ADGRB3: variants seen among roughly 807,000 people sequenced by gnomAD.
The protein encoded by ADGRB3 is adhesion G protein-coupled receptor B3, also known as brain-specific angiogenesis inhibitor 3.
ADGRB3 carries 37 observed loss-of-function variants against 193.4 expected under a neutral mutation model. That is an observed-to-expected ratio of 0.19 (90% CI 0.15 to 0.25). The LOEUF is 0.25. ADGRB3 is among the 10% of genes least tolerant of loss of function. The pLI is 1.00. For synonymous variants in ADGRB3, 690 were observed against 644.2 expected, an observed-to-expected ratio of 1.07 and a Z score of -1.08; for missense variants, 1,637 against 1,852.9, an observed-to-expected ratio of 0.88 and a Z score of 2.14.
chr6:68,961,859 T>C (rs1472784696), intron 8 of ADGRB3, among the ~76,000 whole-genome samples: 1 of 152,198 alleles, frequency 6.6e-6, no homozygotes, highest in Admixed American at 6.5e-5. Context: ...TAAGCACAAA[T>C]AGTACTTTTT....
chr6:68,666,994 T>G (rs1310691136), intron 3 of ADGRB3, among the ~76,000 whole-genome samples: 1 of 151,764 alleles, frequency 6.6e-6, no homozygotes, highest in East Asian at 1.9e-4. Context: ...ATAATACTAC[T>G]TGGAAAATTG....
At chr6:68,894,236 C>T (rs1297482412) in intron 3 of ADGRB3, among the ~76,000 whole-genome samples, 2 of 151,908 alleles carry the variant, frequency 1.3e-5, no homozygotes, top group Non-Finnish European at 2.9e-5. Context: ...TGTAGGAATA[C>T]ATTGCTTCCT....
intron 3 of ADGRB3, among the ~76,000 whole-genome samples, chr6:68,824,222 T>TTTATTTCTA (rs1166166476): frequency 1.0e-5 from 1 of 100,190 alleles, no homozygotes; most frequent in Admixed American, 1.1e-4. Flanking sequence ...CTCTTAAACT[T>TTTATTTCTA]TTATTTCTAT....
chr6:69,254,639 TATTG>T (rs1371223523), intron 20 of ADGRB3, among the ~76,000 whole-genome samples: 10 of 152,270 alleles, frequency 6.6e-5, no homozygotes, highest in African/African-American at 2.2e-4. Context: ...AGATATATCT[TATTG>T]ATTATCTTTC....
In ADGRB3 at chr6:68,875,316, A is replaced by G. The variant is rs190857221; in HGVS notation, c.758-55243A>G. 2.0e-3 allele frequency among the ~76,000 whole-genome samples: 278 copies of G among 139,916 alleles called. 1 individual carries two copies. The highest frequency in any genetic ancestry group is 7.1e-3 in the African/African-American group (269 of 37,730). 91.8% of individuals were successfully genotyped at this position (139,916 alleles called of 152,430 possible). ...TTTCCCGAAACAAAATTATGAATAGAATGTTGGGTCTTAACTTCCTTTCAT... is the reference window on the plus strand; with the variant it reads ...TTTCCCGAAACAAAATTATGAATAGGATGTTGGGTCTTAACTTCCTTTCAT... On this transcript the variant is annotated intron_variant, in intron 3 of 31. Coordinates refer to ENST00000370598, the MANE Select transcript of ADGRB3 (RefSeq NM_001704.3).
At chr6:69,029,601 G>A (rs1054289201) in intron 13 of ADGRB3, among the ~76,000 whole-genome samples, 18 of 152,132 alleles carry the variant, frequency 1.2e-4, no homozygotes, top group Admixed American at 2.6e-4. Flanking sequence ...TAGGAAAAGT[G>A]GAGGAAAAGC....
Position 68,749,691 on chromosome 6 carries a change from A to G in ADGRB3, c.757+110259A>G, listed in dbSNP as rs1183849323. Among the ~76,000 whole-genome samples, 3 of 152,220 alleles carry G rather than the reference A, an allele frequency of 2.0e-5. No homozygotes were observed. The East Asian group carries it at 5.8e-4, about 29-fold the overall frequency. ...TGATTGCCTATTCTAACATTTTCTC[A>G]GCAATAATCATAATACTGTTGCAGG... is the stretch of plus-strand genomic sequence containing the variant. On this transcript the variant is annotated intron_variant, in intron 3 of 31. Transcript: ENST00000370598.
chr6:69,199,575 A>C lies in ADGRB3; in HGVS notation c.2481-33715A>C, dbSNP rs147287633. On this transcript the variant is annotated intron_variant, in intron 17 of 31. Coordinates refer to ENST00000370598, the MANE Select transcript of ADGRB3 (RefSeq NM_001704.3). ...TTATGATTACTTCTACAAGTTTCTA[A>C]AAGTTAAGTTGGGATTAGCCACTTT... 7.1e-3 allele frequency among the ~76,000 whole-genome samples: 1,078 copies of C among 152,252 alleles called. 20 individuals carry two copies. The highest frequency in any genetic ancestry group is 0.025 in the African/African-American group (1,020 of 41,544).
At chr6:68,731,436 T>C (rs1765773398) in intron 3 of ADGRB3, among the ~76,000 whole-genome samples, 1 of 151,566 alleles carries the variant, frequency 6.6e-6, no homozygotes, top group African/African-American at 2.4e-5. Flanking sequence ...CATAAAAAGT[T>C]ACAAAAAAGC....
At chr6:69,006,997 G>A (rs925126261) in intron 11 of ADGRB3, among the ~76,000 whole-genome samples, 1 of 152,028 alleles carries the variant, frequency 6.6e-6, no homozygotes, top group African/African-American at 2.4e-5. Flanking sequence ...CTATAGGCTT[G>A]TAGTTAAACC....
At chr6:69,323,234 A>G (rs997197350) in intron 20 of ADGRB3, among the ~76,000 whole-genome samples, 1 of 152,012 alleles carries the variant, frequency 6.6e-6, no homozygotes, top group Non-Finnish European at 1.5e-5. Context: ...TTTAGTTGAA[A>G]CAAACGTGGA....
intron 3 of ADGRB3, among the ~76,000 whole-genome samples, chr6:68,745,005 T>A (rs1293301304): frequency 2.0e-5 from 3 of 152,050 alleles, no homozygotes; most frequent in Non-Finnish European, 4.4e-5. Flanking sequence ...AGATGGAAAG[T>A]GCCCCAGGTC....
At chr6:69,346,918 T>C (rs984117788) in intron 26 of ADGRB3, among the ~76,000 whole-genome samples, 2 of 152,208 alleles carry the variant, frequency 1.3e-5, no homozygotes, top group African/African-American at 4.8e-5. Context: ...CCTGTGTTTA[T>C]TGCAGCACTG....
intron 17 of ADGRB3, among the ~76,000 whole-genome samples, chr6:69,118,452 AGGCCCAG>A (rs967453599): frequency 2.0e-5 from 3 of 148,936 alleles, no homozygotes; most frequent in Admixed American, 1.3e-4. Flanking sequence ...ACCAGAGTAA[AGGCCCAG>A]GTACACCAGA....
intron 3 of ADGRB3, among the ~76,000 whole-genome samples, chr6:68,761,108 A>G (rs1226572455): frequency 6.6e-6 from 1 of 152,136 alleles, no homozygotes; most frequent in East Asian, 1.9e-4. Context: ...GGTGATCCTA[A>G]GAAACAGGAC....
intron 20 of ADGRB3, among the ~76,000 whole-genome samples, chr6:69,288,766 A>G (rs981359055): frequency 5.9e-5 from 9 of 152,092 alleles, no homozygotes; most frequent in African/African-American, 2.2e-4. Flanking sequence ...CTTTTCCCTC[A>G]GGTCTTCTAG....
chr6:68,939,104 A>T (rs1260792918), intron 5 of ADGRB3, among the ~76,000 whole-genome samples: 1 of 152,186 alleles, frequency 6.6e-6, no homozygotes, highest in Non-Finnish European at 1.5e-5. Context: ...CTTCACAGAG[A>T]ACATCTGTGG....
chr6:68,798,523 G>T (rs1161331280), intron 3 of ADGRB3, among the ~76,000 whole-genome samples: 1 of 151,354 alleles, frequency 6.6e-6, no homozygotes, highest in Non-Finnish European at 1.5e-5. Context: ...TCACACAGTG[G>T]GGCCTGTCAG....
At position 69,020,042 on chromosome 6, in the gene ADGRB3, G is replaced by A. The variant is rs186904436; in HGVS notation, c.2107+1543G>A. On this transcript the variant is annotated intron_variant, in intron 13 of 31. Transcript: ENST00000370598. ...TCCAGGGATGCTAGTCACCCAAGCC[G>A]GAACCACTTTCCTAAGGGAAGGAAA... 2.4e-4 allele frequency among the ~76,000 whole-genome samples: 37 copies of A among 152,086 alleles called. No individual in the cohort carries two copies. In the East Asian group the frequency reaches 5.6e-3, roughly 23 times the overall value.
Sources: allele counts gnomAD v4.1 joint callset (sites outside exome capture counted in the v4.1 genomes callset), GRCh38; gene constraint gnomAD v4.1.1; transcripts MANE v1.5; gene names NCBI Gene and HGNC (gene_info 2026-07-23, HGNC 2026-07-21).